The following IL1R2 variants were observed in gnomAD, a reference collection of about 807,000 sequenced individuals.
IL1R2 encodes the protein interleukin-1 receptor type 2.
Under a neutral mutation model 39.5 loss-of-function variants are expected in IL1R2, and 46 were observed. The ratio of observed to expected loss-of-function variants is 1.16; its 90% CI spans 0.92 to 1.49. The LOEUF (loss-of-function observed/expected upper bound fraction) is 1.49, where lower values mean the gene tolerates loss of function less well. IL1R2 is among the 40% of genes most tolerant of loss of function. The pLI is 0.00. For missense variants in IL1R2, 537 were observed against 502.0 expected, an observed-to-expected ratio of 1.07 and a Z score of -0.67; for synonymous variants, 207 against 189.6, an observed-to-expected ratio of 1.09 and a Z score of -0.75.
intron 6 of IL1R2, among the ~76,000 whole-genome samples, chr2:102,023,973 G>C (rs3218970): frequency 0.055 from 8,318 of 151,448 alleles, 714 homozygotes; most frequent in African/African-American, 0.18. Context: ...GGCGTGAACC[G>C]GGGAGGCGGA....
At chr2:101,993,761 G>A (rs1675455976) in intron 1 of IL1R2, among the ~76,000 whole-genome samples, 2 of 151,894 alleles carry the variant, frequency 1.3e-5, no homozygotes, top group Non-Finnish European at 2.9e-5. Flanking sequence ...GCTCTTCTTA[G>A]AGCCCTTCAG....
chr2:102,017,825 C>G (rs1245893654), intron 4 of IL1R2, among the ~76,000 whole-genome samples: 1 of 152,142 alleles, frequency 6.6e-6, no homozygotes, highest in African/African-American at 2.4e-5. Flanking sequence ...ACTCCAAGAT[C>G]CAAAATACTT....
At position 102,022,329 on chromosome 2, in the gene IL1R2, C is replaced by A. The variant is rs548265414; in HGVS notation, c.751+80C>A. 20 of 1,199,172 alleles carry A rather than the reference C, an allele frequency of 1.7e-5. No individual in the cohort carries two copies. The Admixed American group carries it at 3.1e-4, about 18-fold the overall frequency. 74.3% of individuals were successfully genotyped at this position (1,199,172 alleles called of 1,614,324 possible). ...CAATGCAGGGGGCTTGGGACCCTTG[C>A]GTCTGCTGATCATACCTGCTCCTTG... On this transcript the variant is annotated intron_variant, in intron 6 of 8. Coordinates refer to ENST00000332549, the MANE Select transcript of IL1R2 (RefSeq NM_004633.4).
intron 2 of IL1R2, among the ~76,000 whole-genome samples, chr2:102,009,125 C>A (rs1387239299): frequency 6.6e-6 from 1 of 152,056 alleles, no homozygotes; most frequent in Non-Finnish European, 1.5e-5. Flanking sequence ...GAAGAAGTGA[C>A]GTGTTTGCCC....
At chr2:102,024,441 T>G in intron 6 of IL1R2, 92 bp from the exon 7 acceptor site, 2 of 871,210 alleles carry the variant, frequency 2.3e-6, no homozygotes, top group Non-Finnish European at 1.9e-6. Context: ...GAGGGGTGTT[T>G]GAGAAGCCGA....
At position 102,006,393 on chromosome 2, in the gene IL1R2, A is replaced by G. The variant is rs541612848; in HGVS notation, c.-61-2122A>G. ...TAAGGGAGAAAGCTCCAGGCTAGAT[A>G]CATAGCTAAGGGGAATATCTCAGGT... On this transcript the variant is annotated intron_variant, in intron 1 of 8. Coordinates refer to ENST00000332549, the MANE Select transcript of IL1R2 (RefSeq NM_004633.4). 2.0e-5 allele frequency among the ~76,000 whole-genome samples: 3 copies of G among 152,306 alleles called. No homozygotes were observed. The South Asian group carries it at 6.2e-4, about 32-fold the overall frequency.
chr2:102,003,566 C>T (rs1407342996), intron 1 of IL1R2, among the ~76,000 whole-genome samples: 1 of 98,434 alleles, frequency 1.0e-5, no homozygotes, highest in Non-Finnish European at 1.9e-5. Context: ...GTGTCTGTGT[C>T]GGTGTCTGTG....
rs1419009597 is a variant in IL1R2, at chr2:102,026,254, G to C, written c.1030+1G>C. On this transcript the variant is annotated splice_donor_variant, in intron 8 of 8. Transcript: ENST00000332549. LOFTEE classifies it high-confidence loss of function. ...ACACTACGCACCACAGTCAAGGAAGGTATGTATGTATTTTGGGGAGCACTA... is the reference window on the plus strand; with the variant it reads ...ACACTACGCACCACAGTCAAGGAAGCTATGTATGTATTTTGGGGAGCACTA... 6.2e-7 allele frequency: 1 copy of C among 1,604,890 alleles called. No individual in the cohort carries two copies. Among genetic ancestry groups the C allele is most frequent in the East Asian group, 2.2e-5 (1 of 44,794 alleles).
intron 4 of IL1R2, among the ~76,000 whole-genome samples, chr2:102,018,674 C>T (rs557006130): frequency 6.6e-6 from 1 of 152,176 alleles, no homozygotes; most frequent in African/African-American, 2.4e-5. Context: ...AAATATCCCC[C>T]CTTTTTACAG....
chr2:102,003,114 GTGTCTGTGTCTC>G (rs1231653018), intron 1 of IL1R2, among the ~76,000 whole-genome samples: 1 of 113,730 alleles, frequency 8.8e-6, no homozygotes, highest in Non-Finnish European at 2.1e-5. Flanking sequence ...GTCTATGTCT[GTGTCTGTGTCTC>G]TGTCTGTGTC....
chr2:101,993,662 C>A (rs998842138), intron 1 of IL1R2, among the ~76,000 whole-genome samples: 8 of 152,144 alleles, frequency 5.3e-5, no homozygotes, highest in Non-Finnish European at 1.0e-4. Context: ...CTCTGTTCCT[C>A]TCTCTGTCTC....
chr2:102,008,704 T>C (rs986539114), intron 2 of IL1R2, 62 bp downstream of exon 2: 4 of 1,402,450 alleles, frequency 2.9e-6, no homozygotes, highest in Non-Finnish European at 4.0e-6. Flanking sequence ...GGAAAGATGT[T>C]ATCTAGAGAA....
chr2:102,000,765 T>C (rs1464887415), intron 1 of IL1R2, among the ~76,000 whole-genome samples: 1 of 146,090 alleles, frequency 6.8e-6, no homozygotes, highest in African/African-American at 2.5e-5. Context: ...TATTTGTCAT[T>C]CCTTAGCTCT....
chr2:102,020,895 T>TA (rs1677340193), intron 5 of IL1R2, among the ~76,000 whole-genome samples: 1 of 152,168 alleles, frequency 6.6e-6, no homozygotes, highest in Admixed American at 6.5e-5. Flanking sequence ...ATCACCTGGG[T>TA]ACTCAACAGA....
rs1356961285 is a variant in IL1R2 at position 102,002,314 on chromosome 2, C to CTG, written c.-61-6197_-61-6196dup. ...TGTGTGTCTGTGTCTGTGTCTGTGT[C>CTG]TGTGTCTGTGTCTGTGTGTCTGTGT... On this transcript the variant is annotated intron_variant, in intron 1 of 8. Coordinates refer to ENST00000332549, the MANE Select transcript of IL1R2 (RefSeq NM_004633.4). Among the ~76,000 whole-genome samples the CTG allele has an allele frequency of 4.8e-3, 561 of 117,366 alleles. 3 individuals are homozygous for CTG. The highest frequency in any genetic ancestry group is 0.015 in the African/African-American group (511 of 33,690). 77.0% of individuals were successfully genotyped at this position (117,366 alleles called of 152,430 possible).
chr2:101,995,922 G>T (rs905208359), intron 1 of IL1R2, among the ~76,000 whole-genome samples: 7 of 152,140 alleles, frequency 4.6e-5, no homozygotes, highest in African/African-American at 1.7e-4. Context: ...GCAAGTGAGT[G>T]GATTGATGGA....
At chr2:102,015,371 G>T (rs1177609554) in intron 3 of IL1R2, among the ~76,000 whole-genome samples, 1 of 152,278 alleles carries the variant, frequency 6.6e-6, no homozygotes, top group South Asian at 2.1e-4. Context: ...TACGACACTT[G>T]TTGCCCCCCA....
chr2:102,008,771 T>C lies in IL1R2; in HGVS notation c.67+129T>C, dbSNP rs1432584777. 2.7e-5 allele frequency: 21 copies of C among 771,214 alleles called. No individual in the cohort carries two copies. In the African/African-American group the frequency reaches 3.1e-4, roughly 11 times the overall value. The allele number at this position is 771,214 out of a possible 1,614,324, so 47.8% of individuals were successfully genotyped here. On this transcript the variant is annotated intron_variant, in intron 2 of 8. Transcript: ENST00000332549. ...AGCTCGGTGGCTGCCGGCTGTAATG[T>C]TAGTACTTGAGAGCCCTAGGCGGGT...
Position 102,009,636 on chromosome 2 carries a change from C to T in IL1R2, c.142C>T (p.Leu48=). 6.2e-7 allele frequency: 1 copy of T among 1,614,212 alleles called. No individual in the cohort carries two copies. Among genetic ancestry groups the T allele is most frequent in the Non-Finnish European group, 8.5e-7 (1 of 1,180,026 alleles). The stretch of plus-strand genomic sequence containing the variant: ...CAGGCTGGAAGGGGAGCCTGTAGCC[C>T]TGAGGTGCCCCCAGGTGCCCTACTG... ...EFRLEGEPVA[L]RCPQVPYWLW... Residue 48 remains leucine, a synonymous_variant, in exon 3 of 9, where the codon CTG becomes TTG. Transcript: ENST00000332549.
Sources: gnomAD v4.1 joint callset for allele counts (sites outside exome capture counted in the v4.1 genomes callset) on GRCh38, gnomAD v4.1.1 for gene constraint, MANE v1.5 for transcripts, NCBI Gene and HGNC (gene_info 2026-07-23, HGNC 2026-07-21) for gene names.